EGFLAM: variants seen among roughly 807,000 people sequenced by gnomAD.
EGFLAM encodes EGF like, fibronectin type III and laminin G domains, also known as pikachurin.
A neutral mutation model predicts 113.1 loss-of-function variants in EGFLAM; 79 were observed. That is an observed-to-expected ratio of 0.70 (90% CI 0.58 to 0.84). The LOEUF is 0.84. Ranked by LOEUF, EGFLAM falls within the 40% of genes least tolerant of loss-of-function variation. The pLI, the probability that EGFLAM is intolerant of heterozygous loss-of-function variation, is 0.00. For synonymous variants in EGFLAM, 504 were observed against 487.6 expected, an observed-to-expected ratio of 1.03 and a Z score of -0.44; for missense variants, 1,265 against 1,291.6, an observed-to-expected ratio of 0.98 and a Z score of 0.32.
Position 38,464,157 on chromosome 5 carries a change from T to G in EGFLAM, c.*171T>G. On this transcript the variant is annotated 3_prime_UTR_variant, in exon 22 of 22. Transcript: ENST00000322350. The stretch of plus-strand genomic sequence containing the variant: ...GAGAACCAAGACAGGCATCCCTGGG[T>G]GGCCTTTCCTGCTGACACTCCACGA... 1 of 842,962 alleles carries G rather than the reference T, an allele frequency of 1.2e-6. No individual in the cohort carries two copies. The highest frequency in any genetic ancestry group is 1.8e-6 in the Non-Finnish European group (1 of 563,634). The allele number at this position is 842,962 out of a possible 1,614,324, so 52.2% of individuals were successfully genotyped here. A position where few individuals can be genotyped will look rare whatever the true frequency, so the allele number is the denominator to read the frequency against.
intron 1 of EGFLAM, among the ~76,000 whole-genome samples, chr5:38,302,271 G>A (rs779064588): frequency 4.3e-4 from 65 of 151,296 alleles, no homozygotes; most frequent in Non-Finnish European, 6.6e-4. Context: ...TCAATCACAT[G>A]TATAGATTTT....
At chr5:38,435,028 T>C in intron 15 of EGFLAM, 109 bp from the exon 16 acceptor site, 1 of 849,424 alleles carries the variant, frequency 1.2e-6, no homozygotes, top group South Asian at 1.5e-5. Context: ...GATGGGTCTC[T>C]AGGCTCTGTC....
Position 38,463,818 on chromosome 5 carries a change from T to C in EGFLAM, c.2876-14T>C, listed in dbSNP as rs1355509881. 4 of 1,611,520 alleles carry C rather than the reference T, an allele frequency of 2.5e-6. No homozygotes were observed. Among genetic ancestry groups the C allele is most frequent in the Non-Finnish European group, 3.4e-6 (4 of 1,178,578 alleles). On this transcript the variant is annotated splice_polypyrimidine_tract_variant and intron_variant, in intron 21 of 21. Coordinates refer to ENST00000322350, the MANE Select transcript of EGFLAM (RefSeq NM_152403.4). ...TCCTTTGGCTCACCTCATCTCCCTC[T>C]TGCTTCCTGGCAGGTGGAATGAAGG...
intron 6 of EGFLAM, among the ~76,000 whole-genome samples, chr5:38,398,884 G>C (rs575843881): frequency 1.6e-4 from 25 of 152,160 alleles, no homozygotes; most frequent in Non-Finnish European, 3.2e-4. Flanking sequence ...TATTCTGGTG[G>C]GTATTAGGGT....
intron 6 of EGFLAM, among the ~76,000 whole-genome samples, chr5:38,396,144 A>AT (rs1246466266): frequency 1.3e-5 from 2 of 151,484 alleles, no homozygotes; most frequent in Non-Finnish European, 2.9e-5. Context: ...AATGATCCAC[A>AT]TTTTTTCTGA....
Position 38,418,046 on chromosome 5 carries a change from A to T in EGFLAM, c.1495-20A>T. On this transcript the variant is annotated intron_variant, in intron 11 of 21. Transcript: ENST00000322350. ...ATTTTGTTTAGTGAGAGTATTCATG[A>T]GTGGTCATCTTTCTTAAAGGGCCAA... is the stretch of plus-strand genomic sequence containing the variant. 6 of 1,602,078 alleles carry T rather than the reference A, an allele frequency of 3.7e-6. No individual in the cohort carries two copies. Among genetic ancestry groups the T allele is most frequent in the Non-Finnish European group, 5.1e-6 (6 of 1,172,968 alleles).
intron 17 of EGFLAM, among the ~76,000 whole-genome samples, chr5:38,444,466 G>A (rs1199212185): frequency 6.6e-6 from 1 of 152,160 alleles, no homozygotes; most frequent in Non-Finnish European, 1.5e-5. Flanking sequence ...ACATTTGACT[G>A]TTCCCAGCAC....
chr5:38,328,608 G>A (rs569456846), intron 1 of EGFLAM, among the ~76,000 whole-genome samples: 15 of 151,644 alleles, frequency 9.9e-5, no homozygotes, highest in Non-Finnish European at 1.6e-4. Flanking sequence ...TGTTACTCTC[G>A]TTTTAATATT....
chr5:38,457,130 G>C (rs16903975), intron 19 of EGFLAM, among the ~76,000 whole-genome samples: 1 of 152,126 alleles, frequency 6.6e-6, no homozygotes, highest in Non-Finnish European at 1.5e-5. Context: ...AATGGATAAG[G>C]GCAGAGGATA....
At chr5:38,357,281 C>A (rs895246580) in intron 5 of EGFLAM, among the ~76,000 whole-genome samples, 5 of 151,794 alleles carry the variant, frequency 3.3e-5, no homozygotes, top group Non-Finnish European at 7.4e-5. Flanking sequence ...CAGACCCTCA[C>A]CAGGCAATGG....
At chr5:38,459,193 A>G (rs1368026343) in intron 20 of EGFLAM, among the ~76,000 whole-genome samples, 1 of 151,982 alleles carries the variant, frequency 6.6e-6, no homozygotes, top group Non-Finnish European at 1.5e-5. Context: ...GGTGTGCACC[A>G]TCTGCCTTGC....
intron 5 of EGFLAM, 36 bp downstream of exon 5, chr5:38,352,367 T>G (rs1357778193): frequency 6.2e-7 from 1 of 1,610,306 alleles, no homozygotes; most frequent in Non-Finnish European, 8.5e-7. Flanking sequence ...GCCAAATGTG[T>G]GCTGGGCGCG....
At chr5:38,373,106 T>C (rs536446501) in intron 6 of EGFLAM, among the ~76,000 whole-genome samples, 10 of 152,290 alleles carry the variant, frequency 6.6e-5, no homozygotes, top group Admixed American at 5.2e-4. Context: ...AGAGCTACCA[T>C]TGGGAAGATG....
At chr5:38,263,313 T>C (rs1448807639) in intron 1 of EGFLAM, among the ~76,000 whole-genome samples, 2 of 152,074 alleles carry the variant, frequency 1.3e-5, no homozygotes, top group African/African-American at 2.4e-5. Flanking sequence ...AATACAAAAA[T>C]TAGCCGGGCT....
At chr5:38,342,468 C>T (rs1000963717) in intron 3 of EGFLAM, among the ~76,000 whole-genome samples, 2 of 151,998 alleles carry the variant, frequency 1.3e-5, no homozygotes, top group African/African-American at 4.8e-5. Context: ...AATGCTAAAC[C>T]GGGGAGTGGG....
chr5:38,352,751 C>T (rs996503907), intron 5 of EGFLAM, among the ~76,000 whole-genome samples: 3 of 151,956 alleles, frequency 2.0e-5, no homozygotes, highest in South Asian at 2.1e-4. Flanking sequence ...TATTTAAGAG[C>T]GAACAGAGGC....
At chr5:38,332,993 T>G (rs1365260155) in intron 1 of EGFLAM, among the ~76,000 whole-genome samples, 1 of 152,236 alleles carries the variant, frequency 6.6e-6, no homozygotes, top group Non-Finnish European at 1.5e-5. Flanking sequence ...TGTTGTTTCC[T>G]TCTTTGTGTT....
rs71270586 is a variant in EGFLAM at position 38,278,029 on chromosome 5, G to GA, written c.97+19188dup. ...ACCAATGACATTCTTCACAGAAATAGAAAAAAAAAATCCTAAAATTTGTAT... is the reference window on the plus strand; with the variant it reads ...ACCAATGACATTCTTCACAGAAATAGAAAAAAAAAAATCCTAAAATTTGTAT... On this transcript the variant is annotated intron_variant, in intron 1 of 21. Transcript: ENST00000322350. Among the ~76,000 whole-genome samples the GA allele has an allele frequency of 4.0e-4, 60 of 150,050 alleles. No homozygotes were observed. In the South Asian group the frequency reaches 5.0e-3, roughly 13 times the overall value.
At chr5:38,406,035 C>A in intron 6 of EGFLAM, 91 bp from the exon 7 acceptor site, 3 of 978,088 alleles carry the variant, frequency 3.1e-6, no homozygotes, top group Non-Finnish European at 5.0e-6. Context: ...GCGTTCCATT[C>A]GGTACAGCTC....
Sources: gnomAD v4.1 joint callset for allele counts (sites outside exome capture counted in the v4.1 genomes callset) on GRCh38, gnomAD v4.1.1 for gene constraint, MANE v1.5 for transcripts, NCBI Gene and HGNC (gene_info 2026-07-23, HGNC 2026-07-21) for gene names.